Variants in ZNF385D observed in about 807,000 individuals in gnomAD.
ZNF385D encodes zinc finger protein 659.
ZNF385D carries 15 observed loss-of-function variants against 35.8 expected under a neutral mutation model. That is an observed-to-expected ratio of 0.42 (90% CI 0.28 to 0.64). The LOEUF (loss-of-function observed/expected upper bound fraction) is 0.64. Ranked by LOEUF, ZNF385D falls within the 30% of genes least tolerant of loss-of-function variation. The pLI is 0.23. For missense variants in ZNF385D, 474 were observed against 494.6 expected, an observed-to-expected ratio of 0.96 and a Z score of 0.39; for synonymous variants, 212 against 186.8, an observed-to-expected ratio of 1.13 and a Z score of -1.10.
intron 1 of ZNF385D, among the ~76,000 whole-genome samples, chr3:21,737,585 T>G (rs778761335): frequency 9.2e-5 from 14 of 152,108 alleles, no homozygotes; most frequent in Non-Finnish European, 1.6e-4. Context: ...AATGCACCTA[T>G]GGTGGTTGGT....
chr3:22,112,231 T>C (rs543642115), intron 3 of ZNF385D, among the ~76,000 whole-genome samples: 98 of 152,276 alleles, frequency 6.4e-4, no homozygotes, highest in Non-Finnish European at 1.0e-3. Flanking sequence ...GCTGCGTATT[T>C]AAACCTCTCC....
intron 3 of ZNF385D, among the ~76,000 whole-genome samples, chr3:21,881,284 T>C (rs934332951): frequency 3.3e-5 from 5 of 152,002 alleles, no homozygotes; most frequent in Admixed American, 3.3e-4. Context: ...AGGCTGACTC[T>C]GTTGGGAGAG....
At chr3:22,206,459 C>A (rs772181669) in intron 2 of ZNF385D, among the ~76,000 whole-genome samples, 3 of 151,890 alleles carry the variant, frequency 2.0e-5, no homozygotes, top group Admixed American at 6.6e-5. Context: ...GAATTTCATC[C>A]AGTTGCTGCA....
At chr3:22,141,672 G>T (rs2125704371) in intron 3 of ZNF385D, among the ~76,000 whole-genome samples, 1 of 152,266 alleles carries the variant, frequency 6.6e-6, no homozygotes, top group Non-Finnish European at 1.5e-5. Context: ...CCTGGGGGAG[G>T]AGGAGGAGGA....
At chr3:21,915,223 A>T (rs1700139103) in intron 3 of ZNF385D, among the ~76,000 whole-genome samples, 1 of 152,104 alleles carries the variant, frequency 6.6e-6, no homozygotes. Context: ...AGAATCTCAG[A>T]AAAAGAGCTT....
intron 3 of ZNF385D, among the ~76,000 whole-genome samples, chr3:22,100,366 A>G (rs1237894729): frequency 4.1e-5 from 6 of 147,040 alleles, no homozygotes; most frequent in Non-Finnish European, 7.4e-5. Flanking sequence ...TCATGCTGCT[A>G]TAAAGACACA....
rs1269660628 is a variant in ZNF385D, at chr3:22,258,526, A to G, written c.107-89491T>C. Among the ~76,000 whole-genome samples, 4 of 151,846 alleles carry G rather than the reference A, an allele frequency of 2.6e-5. No homozygotes were observed. The East Asian group carries it at 7.8e-4, about 30-fold the overall frequency. ...ATTCTTTTTTAAAGAATGACTAAAAAAAGGCCTCTCTGGGTAGCAGAACTT... is the reference window on the plus strand; with the variant it reads ...ATTCTTTTTTAAAGAATGACTAAAAGAAGGCCTCTCTGGGTAGCAGAACTT... On this transcript the variant is annotated intron_variant, in intron 2 of 5. Transcript: ENST00000494108.
At chr3:21,849,605 C>CTTTTTTTTT (rs3073866) in intron 3 of ZNF385D, 3 of 108,202 alleles carry the variant, frequency 2.8e-5, no homozygotes, top group Non-Finnish European at 3.6e-5. Flanking sequence ...AAACCCATTT[C>CTTTTTTTTT]TTTTTTTTTT....
At chr3:21,437,891 C>T (rs984131376) in intron 4 of ZNF385D, among the ~76,000 whole-genome samples, 14 of 152,020 alleles carry the variant, frequency 9.2e-5, no homozygotes, top group African/African-American at 3.1e-4. Context: ...AAGCTGTACG[C>T]AGGGAGTTTG....
At chr3:22,195,311 G>A (rs1040555893) in intron 2 of ZNF385D, among the ~76,000 whole-genome samples, 1 of 151,798 alleles carries the variant, frequency 6.6e-6, no homozygotes, top group Non-Finnish European at 1.5e-5. Context: ...TATTCTCTTT[G>A]CTGAAGTATT....
chr3:22,105,275 CTTAA>C (rs1228037187), intron 3 of ZNF385D, among the ~76,000 whole-genome samples: 2 of 150,156 alleles, frequency 1.3e-5, no homozygotes, highest in African/African-American at 4.9e-5. Context: ...ATTTAACACA[CTTAA>C]TTAAACTCAG....
intron 3 of ZNF385D, among the ~76,000 whole-genome samples, chr3:21,768,124 C>A (rs567997171): frequency 4.7e-4 from 72 of 152,070 alleles, no homozygotes; most frequent in African/African-American, 1.6e-3. Flanking sequence ...CAAATGAATG[C>A]ACTAAATGAG....
At chr3:21,584,485 C>T (rs2063755938) in intron 2 of ZNF385D, among the ~76,000 whole-genome samples, 1 of 152,048 alleles carries the variant, frequency 6.6e-6, no homozygotes, top group Non-Finnish European at 1.5e-5. Flanking sequence ...TGATCTTAGC[C>T]AAAAGGCCGA....
At chr3:21,476,441 A>T (rs1415060105) in intron 4 of ZNF385D, among the ~76,000 whole-genome samples, 1 of 152,034 alleles carries the variant, frequency 6.6e-6, no homozygotes, top group Non-Finnish European at 1.5e-5. Context: ...CAACCCTCAC[A>T]TACAAATTAG....
intron 2 of ZNF385D, among the ~76,000 whole-genome samples, chr3:21,578,410 T>C (rs1575233738): frequency 6.6e-6 from 1 of 152,206 alleles, no homozygotes; most frequent in Non-Finnish European, 1.5e-5. Flanking sequence ...CCCAGACCAA[T>C]GTACTAAAGT....
intron 2 of ZNF385D, among the ~76,000 whole-genome samples, chr3:22,372,268 G>A (rs1216526406): frequency 6.6e-6 from 1 of 152,110 alleles, no homozygotes; most frequent in Non-Finnish European, 1.5e-5. Context: ...TGGACCGATA[G>A]TGCGGGATAC....
upstream of ZNF385D, among the ~76,000 whole-genome samples, chr3:21,754,927 T>A (rs7649224): frequency 2.6e-5 from 4 of 152,356 alleles, no homozygotes. Flanking sequence ...TACTTTTCTA[T>A]GTGCCTGAAG....
At chr3:22,148,899 G>A (rs1705042591) in intron 3 of ZNF385D, among the ~76,000 whole-genome samples, 1 of 152,144 alleles carries the variant, frequency 6.6e-6, no homozygotes, top group Admixed American at 6.6e-5. Flanking sequence ...GGGATGAGAT[G>A]ACATGAACCA....
At chr3:21,545,584 A>G (rs1303832161) in intron 3 of ZNF385D, among the ~76,000 whole-genome samples, 1 of 152,208 alleles carries the variant, frequency 6.6e-6, no homozygotes, top group African/African-American at 2.4e-5. Context: ...TCTTATGGCA[A>G]TATAGTTGTT....
Sources: allele counts gnomAD v4.1 joint callset (sites outside exome capture counted in the v4.1 genomes callset), GRCh38; gene constraint gnomAD v4.1.1; transcripts MANE v1.5; gene names NCBI Gene and HGNC (gene_info 2026-07-23, HGNC 2026-07-21).